Variants in PDXDC1 observed in about 807,000 individuals in gnomAD.
The protein encoded by PDXDC1 is pyridoxal dependent decarboxylase domain containing 1.
Under a neutral mutation model 100.1 loss-of-function variants are expected in PDXDC1, and 42 were observed. The ratio of observed to expected loss-of-function variants is 0.42; its 90% CI spans 0.33 to 0.54. The LOEUF is 0.54. PDXDC1 is among the 20% of genes least tolerant of loss of function. The pLI is 0.10. For synonymous variants in PDXDC1, 260 were observed against 371.7 expected, an observed-to-expected ratio of 0.70 and a Z score of 3.46; for missense variants, 636 against 979.2, an observed-to-expected ratio of 0.65 and a Z score of 4.68.
chr16:15,035,899 T>G, intron 22 of PDXDC1, 117 bp from the exon 23 acceptor site: 3 of 1,118,842 alleles, frequency 2.7e-6, no homozygotes, highest in Non-Finnish European at 3.9e-6. Context: ...TCAGAGCCAG[T>G]AAAGGTTTCT....
chr16:14,989,254 T>C, intron 1 of PDXDC1: 1 of 1,614,096 alleles, frequency 6.2e-7, no homozygotes, highest in South Asian at 1.1e-5. Flanking sequence ...TTGGCTGCTT[T>C]GCTTTTGGGC....
rs548628013 is a variant in PDXDC1 at position 15,006,785 on chromosome 16, A to G, written c.579+202A>G. On this transcript the variant is annotated intron_variant, in intron 6 of 22. Coordinates refer to ENST00000396410, the MANE Select transcript of PDXDC1 (RefSeq NM_015027.4). The stretch of plus-strand genomic sequence containing the variant: ...GATTACCCAGGGGCATCCACAGTCA[A>G]CATTTTCTCTTTTTTCCCAGACTTT... Among the ~76,000 whole-genome samples, 8 of 152,412 alleles carry G rather than the reference A, an allele frequency of 5.2e-5. No individual in the cohort carries two copies. In the East Asian group the frequency reaches 1.2e-3, roughly 22 times the overall value.
rs201434078 is a variant in PDXDC1, at chr16:15,128,272, G to A, written c.1400-10607G>A. 8.3e-3 allele frequency: 13,333 copies of A among 1,611,022 alleles called. 84 individuals are homozygous for A. Among genetic ancestry groups the A allele is most frequent in the Middle Eastern group, 0.015 (65 of 4,430 alleles). On this transcript the variant is annotated intron_variant, in intron 16 of 16. Transcript: ENST00000535621. ...CCACACGCTACCCAGGCTGTGCGGG[G>A]TGGCGATCCGGAAGATGTCCAGGCT... is the stretch of plus-strand genomic sequence containing the variant.
chr16:14,982,483 T>G (rs1968215378), intron 1 of PDXDC1, among the ~76,000 whole-genome samples: 1 of 152,214 alleles, frequency 6.6e-6, no homozygotes, highest in Non-Finnish European at 1.5e-5. Context: ...ATTAGCCAGG[T>G]GTGGTGGCTC....
chr16:15,068,136 A>G (rs2045057760), intron 16 of PDXDC1: 1 of 1,483,340 alleles, frequency 6.7e-7, no homozygotes, highest in Non-Finnish European at 9.1e-7. Context: ...AATATTTTAA[A>G]TAACTCCCAT....
chr16:15,039,926 C>CT (rs34345533), downstream of PDXDC1: 272,504 of 993,432 alleles, frequency 0.27, 10,084 homozygotes, highest in Admixed American at 0.4. Flanking sequence ...CATTTGATGC[C>CT]TTTTTTTTTT....
chr16:14,984,693 C>T (rs532742643), intron 1 of PDXDC1, among the ~76,000 whole-genome samples: 2 of 152,008 alleles, frequency 1.3e-5, no homozygotes, highest in African/African-American at 2.4e-5. Context: ...GACGAGATTT[C>T]ACCATGTTGG....
chr16:15,061,489 C>T (rs1340199937), intron 16 of PDXDC1: 2 of 395,826 alleles, frequency 5.1e-6, no homozygotes, highest in Admixed American at 4.3e-5. Context: ...CAAGCAAATC[C>T]TTCCAAATGT....
intron 8 of PDXDC1, among the ~76,000 whole-genome samples, chr16:15,012,913 T>C (rs2041445487): frequency 6.6e-6 from 1 of 152,154 alleles, no homozygotes; most frequent in Non-Finnish European, 1.5e-5. Flanking sequence ...GACTCAAGCC[T>C]GTAATCCCAG....
chr16:15,087,163 C>T (rs1318490191), intron 16 of PDXDC1, among the ~76,000 whole-genome samples: 1 of 152,028 alleles, frequency 6.6e-6, no homozygotes, highest in East Asian at 1.9e-4. Context: ...TAAGAAAAAG[C>T]CCCTAATTTG....
At chr16:15,013,672 C>G (rs2041535853) in intron 8 of PDXDC1, among the ~76,000 whole-genome samples, 2 of 152,206 alleles carry the variant, frequency 1.3e-5, no homozygotes, top group Admixed American at 1.3e-4. Flanking sequence ...GTCAGGAGTT[C>G]AAGACCAGCC....
intron 22 of PDXDC1, 37 bp from the exon 23 acceptor site, chr16:15,035,979 A>G: frequency 6.3e-7 from 1 of 1,577,242 alleles, no homozygotes; most frequent in Non-Finnish European, 8.6e-7. Context: ...AAGTATCCTC[A>G]CTGAGTTTCA....
intron 16 of PDXDC1, chr16:15,127,886 G>C: frequency 6.5e-7 from 1 of 1,546,108 alleles, no homozygotes; most frequent in Non-Finnish European, 8.8e-7. Flanking sequence ...AAGCGCAACA[G>C]GGCTGCGTGA....
downstream of PDXDC1, among the ~76,000 whole-genome samples, chr16:15,139,676 G>T (rs1207862937): frequency 1.3e-5 from 2 of 152,064 alleles, no homozygotes; most frequent in African/African-American, 4.8e-5. Context: ...AACTACTCGG[G>T]GGGCTGAGGA....
intron 16 of PDXDC1, chr16:15,072,939 T>C: frequency 6.2e-7 from 1 of 1,613,108 alleles, no homozygotes; most frequent in Non-Finnish European, 8.5e-7. Flanking sequence ...GTTAATCACA[T>C]TCTTACTCAC....
intron 16 of PDXDC1, among the ~76,000 whole-genome samples, chr16:15,053,616 T>C (rs1478546129): frequency 2.0e-5 from 3 of 152,118 alleles, no homozygotes; most frequent in Admixed American, 6.6e-5. Flanking sequence ...TTTTATTATA[T>C]AAAAATAATC....
rs1457843337 is a variant in PDXDC1 at position 15,036,326 on chromosome 16, A to C, written c.*51A>C. The C allele has an allele frequency of 1.3e-6, 2 of 1,499,618 alleles. No individual in the cohort carries two copies. The highest frequency in any genetic ancestry group is 2.8e-5 in the African/African-American group (2 of 71,738). The allele number at this position is 1,499,618 out of a possible 1,614,324, so 92.9% of individuals were successfully genotyped here. A position where few individuals can be genotyped will look rare whatever the true frequency, so the allele number is the denominator to read the frequency against. ...ACTGAGTATTGTTTCAGGGAAGATG[A>C]AGTTCTATTGGAAATGTGAACTGTG... On this transcript the variant is annotated 3_prime_UTR_variant, in exon 23 of 23. Transcript: ENST00000396410.
In PDXDC1 at chr16:15,022,602, G is replaced by C. The variant is rs1479944775; in HGVS notation, c.1090-102G>C. 8 of 1,054,552 alleles carry C rather than the reference G, an allele frequency of 7.6e-6. No individual in the cohort carries two copies. The South Asian group carries it at 1.2e-4, about 16-fold the overall frequency. The allele number at this position is 1,054,552 out of a possible 1,614,324, so 65.3% of individuals were successfully genotyped here. On this transcript the variant is annotated intron_variant, in intron 12 of 22. Transcript: ENST00000396410. Reference sequence around the variant, plus strand: ...AAACCACCAAGTGGCAGGTGACTTTGCCTGACATCCGTGTTCACAGACCTC... The same window carrying C: ...AAACCACCAAGTGGCAGGTGACTTTCCCTGACATCCGTGTTCACAGACCTC...
intron 16 of PDXDC1, chr16:15,127,708 G>A (rs2047816900): frequency 6.7e-7 from 1 of 1,484,834 alleles, no homozygotes; most frequent in Non-Finnish European, 9.2e-7. Context: ...GTCACCAACA[G>A]CCCCGTACCA....
Sources: allele counts gnomAD v4.1 joint callset (sites outside exome capture counted in the v4.1 genomes callset), GRCh38; gene constraint gnomAD v4.1.1; transcripts MANE v1.5; gene names NCBI Gene and HGNC (gene_info 2026-07-23, HGNC 2026-07-21).